OSBPL9: variants seen among roughly 807,000 people sequenced by gnomAD.
OSBPL9 encodes the protein oxysterol-binding protein-related protein 9.
A neutral mutation model predicts 106.6 loss-of-function variants in OSBPL9; 40 were observed. The ratio of observed to expected loss-of-function variants is 0.38; its 90% confidence interval spans 0.29 to 0.49. The LOEUF is 0.49. Among genes scored for constraint, OSBPL9 ranks in the 20% least tolerant of loss-of-function variants. The probability of loss-of-function intolerance (pLI) is 0.97; values close to 1 mark genes in which losing one functional copy is unlikely to be tolerated. For synonymous variants in OSBPL9, 269 were observed against 295.4 expected (o/e 0.91, Z 0.92); for missense variants, 609 against 887.2 (o/e 0.69, Z 3.98).
intron 11 of OSBPL9, among the ~76,000 whole-genome samples, chr1:51,762,916 C>T (rs182582699): frequency 4.6e-5 from 7 of 152,284 alleles, no homozygotes; most frequent in Admixed American, 1.3e-4. Flanking sequence ...TTTTAGAAAA[C>T]ATTTATCAGT....
intron 3 of OSBPL9, among the ~76,000 whole-genome samples, chr1:51,683,803 G>A (rs1653153198): frequency 6.7e-6 from 1 of 149,626 alleles, no homozygotes; most frequent in Admixed American, 6.7e-5. Context: ...AAAAAAAAAA[G>A]GAAATTTTGT....
In OSBPL9 at chr1:51,623,703, T is replaced by C. The variant is rs555811582; in HGVS notation, c.111+6482T>C. Among the ~76,000 whole-genome samples, 18 of 141,660 alleles carry C rather than the reference T, an allele frequency of 1.3e-4. No individual in the cohort carries two copies. In the South Asian group the frequency reaches 3.8e-3, roughly 30 times the overall value. 92.9% of individuals were successfully genotyped at this position (141,660 alleles called of 152,430 possible). On this transcript the variant is annotated intron_variant, in intron 1 of 23. Coordinates refer to ENST00000428468, the MANE Select transcript of OSBPL9 (RefSeq NM_024586.6). ...TTATTTGGCAGTCTTTAGCAATGTT[T>C]AGTAGATGATAAAAAAATCTACCAT... is the stretch of plus-strand genomic sequence containing the variant.
At chr1:51,752,639 A>G (rs898340562) in intron 8 of OSBPL9, 3 of 445,042 alleles carry the variant, frequency 6.7e-6, no homozygotes, top group African/African-American at 4.0e-5. Context: ...CCAGAAGTCC[A>G]AGATCAACAT....
intron 10 of OSBPL9, among the ~76,000 whole-genome samples, chr1:51,761,051 G>T (rs1203245131): frequency 6.6e-6 from 1 of 152,194 alleles, no homozygotes; most frequent in Non-Finnish European, 1.5e-5. Flanking sequence ...TGGTAGAACA[G>T]GATTCTATGA....
At chr1:51,538,615 T>C in the OSBPL9 span, 3 of 152,224 alleles carry the variant, frequency 2.0e-5, no homozygotes, top group Non-Finnish European at 2.9e-5. Context: ...AAAATTAAAA[T>C]CTATACAAAA....
Position 51,784,282 on chromosome 1 carries a change from A to G in OSBPL9, c.1643A>G (p.Asp548Gly). Residue 548 changes from aspartate (D) to glycine (G), a missense_variant, in exon 19 of 24, where the codon GAC becomes GGC. Asp to Gly is a moderately conservative substitution (Grantham distance 94). Coordinates refer to ENST00000428468, the MANE Select transcript of OSBPL9 (RefSeq NM_024586.6). ...NIGQGCVSCL[D>G]YDEHYILTFP... ...TCCACAGGCTGTGTCTCATGTCTAGACTATGATGAACATTACATTCTCACA... is the reference window on the plus strand; with the variant it reads ...TCCACAGGCTGTGTCTCATGTCTAGGCTATGATGAACATTACATTCTCACA... The G allele has an allele frequency of 2.5e-6, 4 of 1,614,014 alleles. No homozygotes were observed. The highest frequency in any genetic ancestry group is 3.4e-6 in the Non-Finnish European group (4 of 1,179,874).
intron 12 of OSBPL9, among the ~76,000 whole-genome samples, chr1:51,767,875 GTTA>G (rs1466905576): frequency 1.3e-5 from 2 of 148,638 alleles, no homozygotes; most frequent in African/African-American, 2.5e-5. Context: ...AAAATGAAAG[GTTA>G]TTATTAATTT....
chr1:51,568,966 GC>G, the OSBPL9 span, among the ~76,000 whole-genome samples: 1 of 152,108 alleles, frequency 6.6e-6, no homozygotes, highest in East Asian at 1.9e-4. Flanking sequence ...ACCCGCCTCA[GC>G]CCCCCGCCAC....
chr1:51,627,834 A>C (rs1570632606), intron 1 of OSBPL9, among the ~76,000 whole-genome samples: 1 of 151,320 alleles, frequency 6.6e-6, no homozygotes, highest in East Asian at 1.9e-4. Flanking sequence ...ACTCTTTTTT[A>C]CCTCCACATT....
intron 1 of OSBPL9, among the ~76,000 whole-genome samples, chr1:51,589,126 T>A (rs1204557391): frequency 6.6e-6 from 1 of 151,992 alleles, no homozygotes; most frequent in African/African-American, 2.4e-5. Context: ...TCTCCCTCTG[T>A]CACCCAGGCT....
At chr1:51,680,618 A>T (rs1156778606) in intron 3 of OSBPL9, among the ~76,000 whole-genome samples, 2 of 151,330 alleles carry the variant, frequency 1.3e-5, no homozygotes, top group Non-Finnish European at 3.0e-5. Flanking sequence ...CTGAGATTGC[A>T]CTGCTGCACT....
chr1:51,532,998 A>T, the OSBPL9 span, among the ~76,000 whole-genome samples: 1 of 152,114 alleles, frequency 6.6e-6, no homozygotes. Flanking sequence ...TGGTAATTAA[A>T]TGGTAATTGG....
At chr1:51,760,093 T>G (rs1671165909) in intron 9 of OSBPL9, 1 of 152,560 alleles carries the variant, frequency 6.6e-6, no homozygotes, top group Non-Finnish European at 1.5e-5. Context: ...CATAAGTAAT[T>G]TAGAGATGAT....
intron 4 of OSBPL9, among the ~76,000 whole-genome samples, chr1:51,722,251 G>A (rs1349317137): frequency 6.6e-6 from 1 of 152,172 alleles, no homozygotes; most frequent in African/African-American, 2.4e-5. Flanking sequence ...CTTGTGGCAA[G>A]GAGTTATGTA....
intron 8 of OSBPL9, among the ~76,000 whole-genome samples, chr1:51,753,915 G>A (rs1669791241): frequency 6.6e-6 from 1 of 152,138 alleles, no homozygotes; most frequent in Middle Eastern, 3.2e-3. Flanking sequence ...TGGGTATTGG[G>A]ATTATTTTAA....
chr1:51,629,220 G>A (rs963120015), intron 1 of OSBPL9, among the ~76,000 whole-genome samples: 8 of 152,052 alleles, frequency 5.3e-5, no homozygotes, highest in Non-Finnish European at 1.2e-4. Flanking sequence ...ATTTTTCATG[G>A]CATATATTGT....
intron 9 of OSBPL9, chr1:51,760,418 A>C (rs1013325653): frequency 6.7e-6 from 2 of 297,324 alleles, no homozygotes; most frequent in African/African-American, 4.4e-5. Flanking sequence ...GACTTCCTGA[A>C]ATCTCCCCAC....
Position 51,729,743 on chromosome 1 carries a change from C to T in OSBPL9, c.318+15664C>T. 4 of 1,084,140 alleles carry T rather than the reference C, an allele frequency of 3.7e-6. No individual in the cohort carries two copies. The highest frequency in any genetic ancestry group is 4.7e-6 in the Non-Finnish European group (4 of 850,824). 67.2% of individuals were successfully genotyped at this position (1,084,140 alleles called of 1,614,324 possible). A position where few individuals can be genotyped will look rare whatever the true frequency, so the allele number is the denominator to read the frequency against. On this transcript the variant is annotated intron_variant, in intron 4 of 23. Transcript: ENST00000428468. This position sits in a 1 kb window ranked among gnomAD's most constrained non-coding sequence, Gnocchi z 5.1. The stretch of plus-strand genomic sequence containing the variant: ...TGGCCAATCGCCAGGGGTCTCTTTG[C>T]CAGGAGCCGCCAGGGCCAGCCAATC...
intron 4 of OSBPL9, 129 bp downstream of exon 4, chr1:51,714,208 A>T: frequency 3.3e-6 from 2 of 606,142 alleles, no homozygotes. Flanking sequence ...TGAGTTGCTT[A>T]TTTTTCCTTT....
Sources: gnomAD v4.1 joint callset for allele counts (sites outside exome capture counted in the v4.1 genomes callset) on GRCh38, gnomAD v4.1.1 for gene constraint, Gnocchi (gnomAD v3.1) non-coding constraint, MANE v1.5 for transcripts, NCBI Gene and HGNC (gene_info 2026-07-23, HGNC 2026-07-21) for gene names.